CAPS2: variants seen among roughly 807,000 people sequenced by gnomAD.
The protein encoded by CAPS2 is calcyphosine 2, also known as calcyphosin-2.
In CAPS2, 98 loss-of-function variants were observed where a neutral mutation model predicts 86.5. That is an observed-to-expected ratio of 1.13 (90% confidence interval 0.96 to 1.34). The LOEUF (loss-of-function observed/expected upper bound fraction) is 1.34. Among genes scored for constraint, CAPS2 ranks in the 40% most tolerant of loss-of-function variants. The pLI, the probability that CAPS2 is intolerant of heterozygous loss-of-function variation, is 0.00. For synonymous variants in CAPS2, 210 were observed against 225.1 expected (o/e 0.93, Z 0.60); for missense variants, 729 against 686.8 (o/e 1.06, Z -0.69).
intron 1 of CAPS2, among the ~76,000 whole-genome samples, chr12:75,380,213 T>C (rs987748947): frequency 1.3e-5 from 2 of 152,208 alleles, no homozygotes; most frequent in Non-Finnish European, 2.9e-5. Flanking sequence ...GACAACTATA[T>C]TGAATCGGCA....
At chr12:75,276,805 A>T, downstream of CAPS2, 8 of 909,302 alleles carry the variant, frequency 8.8e-6, no homozygotes, top group South Asian at 4.1e-4. Context: ...TAAAATATAC[A>T]TAACTATAAA....
chr12:75,310,266 C>G (rs10748277), intron 7 of CAPS2, among the ~76,000 whole-genome samples: 147,084 of 152,304 alleles, frequency 0.97, 71,116 homozygotes, highest in East Asian at 1. Context: ...TTGAGAAAGG[C>G]ATCATAAATT....
At chr12:75,289,837 G>T in intron 13 of CAPS2, 62 bp from the exon 14 acceptor site, 1 of 1,177,362 alleles carries the variant, frequency 8.5e-7, no homozygotes, top group Non-Finnish European at 1.2e-6. Context: ...TAAAGCCGCA[G>T]TTATCTTTCA....
At chr12:75,338,198 C>A (rs984418845) in intron 1 of CAPS2, among the ~76,000 whole-genome samples, 1 of 152,012 alleles carries the variant, frequency 6.6e-6, no homozygotes, top group African/African-American at 2.4e-5. Context: ...AAATCTTCAA[C>A]AAAATTATAA....
chr12:75,333,971 ACT>A (rs2041527839), upstream of CAPS2: 1 of 152,180 alleles, frequency 6.6e-6, no homozygotes, highest in South Asian at 2.1e-4. Context: ...AATCAAATGT[ACT>A]CTGTCCATCC....
intron 1 of CAPS2, among the ~76,000 whole-genome samples, chr12:75,386,861 GA>G (rs71438896): frequency 6.7e-6 from 1 of 149,748 alleles, no homozygotes; most frequent in Non-Finnish European, 1.5e-5. Context: ...CCATATACAA[GA>G]AAAAAAAACC....
exon 17 of CAPS2, chr12:75,278,413 A>G (rs1417701576): frequency 1.0e-6 from 1 of 984,484 alleles, no homozygotes; most frequent in African/African-American, 1.7e-5. Context: ...AAACACATTG[A>G]ATTATCTCAC....
exon 14 of CAPS2, chr12:75,289,749 T>C (rs1228607288): frequency 6.2e-7 from 1 of 1,612,066 alleles, no homozygotes; most frequent in Admixed American, 1.7e-5. Context: ...CGAACACCTC[T>C]TTTATGTAGT....
chr12:75,366,644 C>CA (rs2043984031), intron 1 of CAPS2, among the ~76,000 whole-genome samples: 1 of 147,554 alleles, frequency 6.8e-6, no homozygotes, highest in South Asian at 2.1e-4. Flanking sequence ...TTGTTGCCTA[C>CA]TTTTTTTTTT....
At chr12:75,290,905 T>C (rs892185714) in intron 13 of CAPS2, among the ~76,000 whole-genome samples, 1 of 147,290 alleles carries the variant, frequency 6.8e-6, no homozygotes, top group African/African-American at 2.5e-5. Flanking sequence ...GCCCAGGCAA[T>C]GGAGCAAGGC....
chr12:75,388,826 T>A (rs2045424073), intron 1 of CAPS2, among the ~76,000 whole-genome samples: 1 of 152,160 alleles, frequency 6.6e-6, no homozygotes, highest in South Asian at 2.1e-4. Flanking sequence ...GTTCATCAGT[T>A]GTAAATGTAC....
intron 1 of CAPS2, chr12:75,343,686 C>T: frequency 6.3e-7 from 1 of 1,580,062 alleles, no homozygotes; most frequent in Non-Finnish European, 8.6e-7. Flanking sequence ...TTATTTTTAT[C>T]TTTCAGATTT....
upstream of CAPS2, chr12:75,326,550 G>A (rs1447690372): frequency 3.0e-6 from 3 of 1,012,330 alleles, no homozygotes; most frequent in Non-Finnish European, 3.0e-6. Flanking sequence ...TAGAGTAAAT[G>A]TTAAATGGTA....
chr12:75,312,295 A>G (rs2138819744), intron 7 of CAPS2, among the ~76,000 whole-genome samples: 2 of 152,320 alleles, frequency 1.3e-5, no homozygotes, highest in East Asian at 3.9e-4. Context: ...TCACTTGCAC[A>G]TCAAGTAAAC....
intron 4 of CAPS2, 90 bp from the exon 5 acceptor site, chr12:75,321,666 A>G: frequency 1.1e-6 from 1 of 887,810 alleles, no homozygotes; most frequent in East Asian, 2.7e-5. Flanking sequence ...TTACCTTAGC[A>G]TCCATTCCTT....
chr12:75,277,614 C>T (rs1238261747), exon 17 of CAPS2: 1 of 984,112 alleles, frequency 1.0e-6, no homozygotes, highest in Non-Finnish European at 1.2e-6. Flanking sequence ...GTTTTAGTAC[C>T]TTCTCACATC....
chr12:75,320,590 T>G (rs985236761), intron 5 of CAPS2, among the ~76,000 whole-genome samples: 1 of 152,048 alleles, frequency 6.6e-6, no homozygotes, highest in African/African-American at 2.4e-5. Context: ...AGTTCCTACA[T>G]GGATTAAAAA....
At chr12:75,385,777 T>A (rs1275201387) in intron 1 of CAPS2, among the ~76,000 whole-genome samples, 1 of 152,170 alleles carries the variant, frequency 6.6e-6, no homozygotes, top group Admixed American at 6.5e-5. Flanking sequence ...TATAGAAAAG[T>A]CAGTTACTTT....
rs1416824873 is a variant in CAPS2, at chr12:75,372,673, GAAGAAC to G, written c.-395+18159_-395+18164del. On this transcript the variant is annotated intron_variant, in intron 1 of 5. Transcript: ENST00000551829. ...CTGATTCAGAGCATACATAGCTTCT[GAAGAAC>G]TTTGCCCCAGCTCTGTAAAGTATTG... is the stretch of plus-strand genomic sequence containing the variant. Among the ~76,000 whole-genome samples, 12 of 152,270 alleles carry G rather than the reference GAAGAAC, an allele frequency of 7.9e-5. No individual in the cohort carries two copies. The East Asian group carries it at 2.3e-3, about 29-fold the overall frequency.
Sources: gnomAD v4.1 joint callset for allele counts (sites outside exome capture counted in the v4.1 genomes callset) on GRCh38, gnomAD v4.1.1 for gene constraint, MANE v1.5 for transcripts, NCBI Gene and HGNC (gene_info 2026-07-23, HGNC 2026-07-21) for gene names.